Variants in C5 observed in about 807,000 individuals in gnomAD.
C5 encodes complement C5.
In C5, 140 loss-of-function variants were observed where a neutral mutation model predicts 218.8. The observed-to-expected ratio is 0.64, with a 90% CI of 0.56 to 0.74. The LOEUF is 0.74. Ranked by LOEUF, C5 falls within the 30% of genes least tolerant of loss-of-function variation. C5 has a pLI of 0.00. For missense variants in C5, 1,700 were observed against 1,969.6 expected, an observed-to-expected ratio of 0.86 and a Z score of 2.59; for synonymous variants, 614 against 682.3, an observed-to-expected ratio of 0.90 and a Z score of 1.56.
intron 12 of C5, among the ~76,000 whole-genome samples, chr9:121,019,441 G>A (rs1033945285): frequency 2.0e-5 from 3 of 152,186 alleles, no homozygotes; most frequent in East Asian, 1.9e-4. Context: ...AGGCTTCATC[G>A]ATCCACCTCT....
chr9:121,016,973 G>A (rs1014211934), intron 14 of C5, among the ~76,000 whole-genome samples: 1 of 152,118 alleles, frequency 6.6e-6, no homozygotes, highest in African/African-American at 2.4e-5. Flanking sequence ...ATGATTTTGA[G>A]ATTCTTCTGT....
At chr9:121,027,471 G>A (rs1295149231) in intron 7 of C5, among the ~76,000 whole-genome samples, 197 bp from the exon 8 acceptor site, 4 of 152,170 alleles carry the variant, frequency 2.6e-5, no homozygotes, top group Non-Finnish European at 5.9e-5. Flanking sequence ...AACCAAAACA[G>A]CATGGTACTG....
rs1052521739 is a variant in C5 at position 121,049,368 on chromosome 9, A to T, written c.65+814T>A. ...CAAAAAGAATAAAGGCAGGATGCTA[A>T]GGTAGTTGAGTGCTTGTGGCCATGT... On this transcript the variant is annotated intron_variant, in intron 1 of 40. Transcript: ENST00000223642. Among the ~76,000 whole-genome samples the T allele has an allele frequency of 1.6e-4, 24 of 152,194 alleles. 1 individual carries two copies. The highest frequency in any genetic ancestry group is 4.6e-4 in the African/African-American group (19 of 41,454).
Position 121,017,406 on chromosome 9 carries a change from C to T in C5, c.1822G>A (p.Ala608Thr). The T allele has an allele frequency of 1.2e-6, 2 of 1,613,982 alleles. No individual in the cohort carries two copies. Among genetic ancestry groups the T allele is most frequent in the Non-Finnish European group, 1.7e-6 (2 of 1,179,986 alleles). Residue 608 changes from alanine (A) to threonine (T), a missense_variant, in exon 14 of 41, where the codon GCT becomes ACT. Ala to Thr is a moderately conservative substitution (Grantham distance 58). Transcript: ENST00000223642. ...SWVALAAVDS[A>T]VYGVQRGAKK... Reference sequence around the variant, plus strand: ...GCTCCTCTTTGGACTCCATACACAGCACTGTCCACTGCTGCTAATGCCACC... The same window carrying T: ...GCTCCTCTTTGGACTCCATACACAGTACTGTCCACTGCTGCTAATGCCACC...
intron 33 of C5, among the ~76,000 whole-genome samples, chr9:120,965,449 G>A (rs2046859923): frequency 6.6e-6 from 1 of 152,028 alleles, no homozygotes; most frequent in South Asian, 2.1e-4. Flanking sequence ...GAGGCTGGGA[G>A]GCAGAGGTTG....
At chr9:120,959,909 A>G (rs1435209620) in intron 38 of C5, among the ~76,000 whole-genome samples, 1 of 152,196 alleles carries the variant, frequency 6.6e-6, no homozygotes, top group Non-Finnish European at 1.5e-5. Flanking sequence ...TGGTCTATCA[A>G]TTGGAAGAGT....
intron 6 of C5, among the ~76,000 whole-genome samples, 166 bp downstream of exon 6, chr9:121,031,947 C>T (rs1262245591): frequency 1.3e-5 from 2 of 152,006 alleles, no homozygotes; most frequent in Admixed American, 6.6e-5. Context: ...GCCTGTAATC[C>T]CAGCTACTTG....
At chr9:120,980,027 G>T in intron 28 of C5, 56 bp downstream of exon 28, 1 of 1,528,244 alleles carries the variant, frequency 6.5e-7, no homozygotes, top group Non-Finnish European at 9.1e-7. Context: ...TCCCAGACTA[G>T]CAGACTTTAT....
At chr9:120,960,117 A>AT in intron 38 of C5, 131 bp downstream of exon 38, 1 of 673,002 alleles carries the variant, frequency 1.5e-6, no homozygotes. Context: ...AATCGATGGC[A>AT]TTTTCCTTCA....
intron 5 of C5, among the ~76,000 whole-genome samples, chr9:121,033,020 G>GTGTA (rs2047490266): frequency 6.6e-6 from 1 of 151,342 alleles, no homozygotes; most frequent in African/African-American, 2.4e-5. Flanking sequence ...ATGGGTGTGT[G>GTGTA]TGTGTGTGTG....
chr9:120,969,158 A>T (rs370415969), intron 32 of C5, 40 bp from the exon 33 acceptor site: 1 of 1,556,992 alleles, frequency 6.4e-7, no homozygotes, highest in Non-Finnish European at 8.9e-7. Context: ...CAAATATAAG[A>T]GTAAACTGTT....
Position 120,953,807 on chromosome 9 carries a change from G to C in C5, c.4824C>G (p.Asn1608Lys). Residue 1608 changes from asparagine (N) to lysine (K), a missense_variant, in exon 40 of 41, where the codon AAC (asparagine) becomes AAG (lysine). Asn to Lys is a moderately conservative substitution (Grantham distance 94, BLOSUM62 0). Coordinates refer to ENST00000223642, the MANE Select transcript of C5 (RefSeq NM_001735.3). ...ITFIKKVTCTNAELVKGRQYL... is the reference protein window; with the variant it reads ...ITFIKKVTCTKAELVKGRQYL... ...ACTGTCTTCCTTTTACCAGCTCAGC[G>C]TTAGTACAGGTTACCTTTTTAATGA... 6.2e-7 allele frequency: 1 copy of C among 1,613,616 alleles called. No homozygotes were observed. The highest frequency in any genetic ancestry group is 8.5e-7 in the Non-Finnish European group (1 of 1,179,510).
intron 10 of C5, among the ~76,000 whole-genome samples, chr9:121,021,967 C>T (rs2047370035): frequency 6.6e-6 from 1 of 152,068 alleles, no homozygotes; most frequent in Non-Finnish European, 1.5e-5. Flanking sequence ...ACTATTTAGG[C>T]ATGCTCCACC....
intron 35 of C5, 58 bp from the exon 36 acceptor site, chr9:120,962,834 T>C: frequency 1.2e-6 from 2 of 1,601,514 alleles, no homozygotes; most frequent in Non-Finnish European, 1.7e-6. Flanking sequence ...TTATAATCTT[T>C]TAGCCTGTAT....
chr9:120,981,969 G>C, intron 26 of C5, 30 bp from the exon 27 acceptor site: 1 of 1,457,026 alleles, frequency 6.9e-7, no homozygotes, highest in South Asian at 1.1e-5. Flanking sequence ...TAAAAGGGGA[G>C]TGAAATGGTG....
At chr9:121,020,292 A>C (rs2047353335) in intron 11 of C5, 113 bp from the exon 12 acceptor site, 1 of 890,332 alleles carries the variant, frequency 1.1e-6, no homozygotes, top group Admixed American at 1.9e-5. Context: ...CACAATAACA[A>C]ATGCTAAAGG....
At chr9:120,971,205 T>C (rs1297234588) in intron 31 of C5, among the ~76,000 whole-genome samples, 1 of 148,998 alleles carries the variant, frequency 6.7e-6, no homozygotes, top group Admixed American at 6.7e-5. Flanking sequence ...AAATTGCAAC[T>C]GCCAAGTGGC....
chr9:120,996,099 A>T, intron 22 of C5, 141 bp downstream of exon 22: 1 of 751,048 alleles, frequency 1.3e-6, no homozygotes, highest in Non-Finnish European at 2.4e-6. Context: ...GATTACAGGC[A>T]TGAGCCACTG....
At chr9:121,055,653 T>C in the C5 span, among the ~76,000 whole-genome samples, 1 of 152,190 alleles carries the variant, frequency 6.6e-6, no homozygotes, top group East Asian at 1.9e-4. Flanking sequence ...CACTGCCCGG[T>C]TGGTACGGAC....
Sources: gnomAD v4.1 joint callset for allele counts (sites outside exome capture counted in the v4.1 genomes callset) on GRCh38, gnomAD v4.1.1 for gene constraint, MANE v1.5 for transcripts, NCBI Gene and HGNC (gene_info 2026-07-23, HGNC 2026-07-21) for gene names.